The following GPC6 variants were observed in gnomAD, a reference collection of about 807,000 sequenced individuals.
GPC6 encodes glypican 6.
Under a neutral mutation model 55.2 loss-of-function variants are expected in GPC6, and 14 were observed. The observed-to-expected ratio is 0.25, with a 90% CI of 0.17 to 0.40. GPC6 has a LOEUF of 0.40. Ranked by LOEUF, GPC6 falls within the 10% of genes least tolerant of loss-of-function variation. The pLI is 1.00. For missense variants in GPC6, 641 were observed against 708.5 expected, an observed-to-expected ratio of 0.90 and a Z score of 1.08; for synonymous variants, 278 against 259.6, an observed-to-expected ratio of 1.07 and a Z score of -0.68.
chr13:93,770,619 G>C (rs940682838), intron 2 of GPC6, among the ~76,000 whole-genome samples: 2 of 152,144 alleles, frequency 1.3e-5, no homozygotes, highest in Non-Finnish European at 2.9e-5. Flanking sequence ...TCCCATGATA[G>C]GAGAGGGATT....
chr13:93,218,319 A>G, the GPC6 span, among the ~76,000 whole-genome samples: 1 of 152,302 alleles, frequency 6.6e-6, no homozygotes, highest in East Asian at 1.9e-4. Context: ...GATGTGTTAT[A>G]TGAAGCTAAA....
At chr13:93,918,516 C>T (rs753877428) in intron 3 of GPC6, among the ~76,000 whole-genome samples, 4 of 152,044 alleles carry the variant, frequency 2.6e-5, no homozygotes, top group Non-Finnish European at 5.9e-5. Context: ...AAACGTGCCT[C>T]GACTTGTATT....
chr13:93,577,645 A>G (rs1354745190), intron 2 of GPC6, among the ~76,000 whole-genome samples: 1 of 152,036 alleles, frequency 6.6e-6, no homozygotes, highest in East Asian at 1.9e-4. Flanking sequence ...TGTCGTTTGC[A>G]TACAAGGCTA....
In GPC6 at chr13:93,522,755, G is replaced by A. The variant is rs141000302; in HGVS notation, c.161-22508G>A. On this transcript the variant is annotated intron_variant, in intron 1 of 8. Coordinates refer to ENST00000377047, the MANE Select transcript of GPC6 (RefSeq NM_005708.5). ...CTGCTCTGCAGATAGGCTAAAATCC[G>A]GAGGCATTTTTTTGGCTATCAAATT... is the stretch of plus-strand genomic sequence containing the variant. Among the ~76,000 whole-genome samples the A allele has an allele frequency of 4.1e-4, 63 of 151,912 alleles. No individual in the cohort carries two copies. The East Asian group carries it at 0.01, about 24-fold the overall frequency.
intron 1 of GPC6, among the ~76,000 whole-genome samples, chr13:93,281,884 A>C (rs2139068338): frequency 6.6e-6 from 1 of 152,308 alleles, no homozygotes; most frequent in East Asian, 1.9e-4. Flanking sequence ...TGAATTAGGA[A>C]AATTTTGAAT....
At chr13:93,294,375 A>T (rs904539308) in intron 1 of GPC6, among the ~76,000 whole-genome samples, 6 of 152,190 alleles carry the variant, frequency 3.9e-5, no homozygotes, top group Non-Finnish European at 8.8e-5. Context: ...TGAATCTGTT[A>T]TTTAGTATTT....
chr13:93,467,827 G>A (rs1202924494), intron 1 of GPC6, among the ~76,000 whole-genome samples: 1 of 151,968 alleles, frequency 6.6e-6, no homozygotes, highest in Non-Finnish European at 1.5e-5. Context: ...CTAGGCTGAA[G>A]TGATTTTCCC....
At chr13:94,140,814 A>G (rs1332239470) in intron 4 of GPC6, among the ~76,000 whole-genome samples, 1 of 152,132 alleles carries the variant, frequency 6.6e-6, no homozygotes, top group Non-Finnish European at 1.5e-5. Context: ...TTTTGCTTTC[A>G]TAAATCAGAG....
At chr13:93,953,868 T>A (rs12853261) in intron 3 of GPC6, among the ~76,000 whole-genome samples, 69,439 of 152,048 alleles carry the variant, frequency 0.46, 16,471 homozygotes, top group Non-Finnish European at 0.49. Flanking sequence ...TATTCAAAAA[T>A]GGACTGATAT....
chr13:93,385,029 A>G (rs1875337744), intron 1 of GPC6, among the ~76,000 whole-genome samples: 1 of 152,180 alleles, frequency 6.6e-6, no homozygotes, highest in Non-Finnish European at 1.5e-5. Flanking sequence ...TAAGCAAGTA[A>G]CTCAAACTAA....
intron 1 of GPC6, among the ~76,000 whole-genome samples, chr13:93,264,160 A>C (rs1877246145): frequency 6.6e-6 from 1 of 152,174 alleles, no homozygotes; most frequent in Non-Finnish European, 1.5e-5. Context: ...AGATTCCCTC[A>C]GGCATCCTTT....
chr13:93,480,615 C>T (rs1183567233), intron 1 of GPC6, among the ~76,000 whole-genome samples: 2 of 152,178 alleles, frequency 1.3e-5, no homozygotes, highest in African/African-American at 2.4e-5. Context: ...TTTAGTATCA[C>T]TCCCAAAGAA....
At chr13:93,219,095 T>G in the GPC6 span, among the ~76,000 whole-genome samples, 384 of 151,584 alleles carry the variant, frequency 2.5e-3, 2 homozygotes, top group African/African-American at 8.5e-3. Context: ...TTCCTATTTT[T>G]TTTTTTTTTT....
intron 1 of GPC6, among the ~76,000 whole-genome samples, chr13:93,311,634 TC>T (rs1879070309): frequency 6.6e-6 from 1 of 152,178 alleles, no homozygotes; most frequent in Non-Finnish European, 1.5e-5. Context: ...AATTTTGTGA[TC>T]CCTGGAACTT....
intron 3 of GPC6, among the ~76,000 whole-genome samples, chr13:93,910,747 C>A (rs547817357): frequency 6.6e-6 from 1 of 152,310 alleles, no homozygotes; most frequent in African/African-American, 2.4e-5. Flanking sequence ...GCCCCCAACC[C>A]TTAATCCAGT....
upstream of GPC6, among the ~76,000 whole-genome samples, chr13:93,221,971 T>C (rs1224679902): frequency 6.6e-6 from 1 of 152,082 alleles, no homozygotes; most frequent in Non-Finnish European, 1.5e-5. Flanking sequence ...ATGATTTTTA[T>C]AACTGAGCAA....
At chr13:93,653,549 G>A (rs981330594) in intron 2 of GPC6, among the ~76,000 whole-genome samples, 1 of 149,896 alleles carries the variant, frequency 6.7e-6, no homozygotes, top group African/African-American at 2.5e-5. Flanking sequence ...ATTTAATGTC[G>A]TCAATAATCC....
intron 4 of GPC6, among the ~76,000 whole-genome samples, chr13:94,222,301 C>G (rs1280409734): frequency 6.6e-6 from 1 of 152,062 alleles, no homozygotes; most frequent in African/African-American, 2.4e-5. Flanking sequence ...ATCTAGATCT[C>G]TAAAACATTG....
intron 1 of GPC6, among the ~76,000 whole-genome samples, chr13:93,264,738 C>T (rs1414483271): frequency 6.6e-6 from 1 of 152,044 alleles, no homozygotes; most frequent in East Asian, 1.9e-4. Context: ...ACTTATAATA[C>T]CTAATACAGT....
Sources: allele counts gnomAD v4.1 joint callset (sites outside exome capture counted in the v4.1 genomes callset), GRCh38; gene constraint gnomAD v4.1.1; transcripts MANE v1.5; gene names NCBI Gene and HGNC (gene_info 2026-07-23, HGNC 2026-07-21).